Variants in ARL15 observed in about 807,000 individuals in gnomAD.
ARL15 encodes the protein ARF like GTPase 15, also known as ADP-ribosylation factor-like protein 15.
In ARL15, 19 loss-of-function variants were observed where a neutral mutation model predicts 25.2. The ratio of observed to expected loss-of-function variants is 0.75; its 90% CI spans 0.53 to 1.10. The LOEUF is 1.10. Among genes scored for constraint, ARL15 ranks in the 50% least tolerant of loss-of-function variants. ARL15 has a pLI of 0.00. For synonymous variants in ARL15, 94 were observed against 86.8 expected (o/e 1.08, Z -0.46); for missense variants, 220 against 246.0 (o/e 0.89, Z 0.71).
At chr5:54,151,827 C>T (rs556378119) in intron 3 of ARL15, among the ~76,000 whole-genome samples, 5 of 152,006 alleles carry the variant, frequency 3.3e-5, no homozygotes, top group African/African-American at 7.2e-5. Flanking sequence ...CAGGTTTATG[C>T]GCTTCCCTAT....
rs959777686 is a variant in ARL15, at chr5:54,279,562, G to A, written c.48+30870C>T. Among the ~76,000 whole-genome samples the A allele has an allele frequency of 1.6e-4, 24 of 152,066 alleles. 1 individual carries two copies. The highest frequency in any genetic ancestry group is 2.9e-5 in the Non-Finnish European group (2 of 68,012). On this transcript the variant is annotated intron_variant, in intron 1 of 4. Coordinates refer to ENST00000504924, the MANE Select transcript of ARL15 (RefSeq NM_019087.3). ...ATCTAAACCTAATTATCTCCCAAAG[G>A]CCCCATCCCCAAACATCATCACATT...
chr5:54,105,444 A>G (rs969591440), intron 4 of ARL15, among the ~76,000 whole-genome samples: 2 of 152,224 alleles, frequency 1.3e-5, no homozygotes, highest in African/African-American at 4.8e-5. Flanking sequence ...GGATAAAATC[A>G]GTCTCTAACT....
intron 1 of ARL15, among the ~76,000 whole-genome samples, chr5:54,285,831 A>G (rs1455178217): frequency 1.3e-5 from 2 of 152,164 alleles, no homozygotes; most frequent in African/African-American, 2.4e-5. Flanking sequence ...AATGGGCTGA[A>G]GGCAAAGATG....
rs959438315 is a variant in ARL15, at chr5:53,962,086, G to C, written c.463-75373C>G. ...GTGTACTTTCACAAGTATATTCTTAGGGGAAACTACTGATGGTAAGAGTAT... is the reference window on the plus strand; with the variant it reads ...GTGTACTTTCACAAGTATATTCTTACGGGAAACTACTGATGGTAAGAGTAT... On this transcript the variant is annotated intron_variant, in intron 4 of 4. Coordinates refer to ENST00000504924, the MANE Select transcript of ARL15 (RefSeq NM_019087.3). 2.6e-5 allele frequency among the ~76,000 whole-genome samples: 4 copies of C among 152,058 alleles called. No homozygotes were observed. In the South Asian group the frequency reaches 8.3e-4, roughly 32 times the overall value.
At chr5:54,051,140 T>C (rs967783745) in intron 4 of ARL15, among the ~76,000 whole-genome samples, 1 of 152,236 alleles carries the variant, frequency 6.6e-6, no homozygotes, top group South Asian at 2.1e-4. Flanking sequence ...CAACATTTAT[T>C]GAGCATCTCC....
intron 1 of ARL15, among the ~76,000 whole-genome samples, chr5:54,274,278 C>T (rs764567507): frequency 9.2e-5 from 14 of 152,168 alleles, no homozygotes; most frequent in Non-Finnish European, 2.1e-4. Context: ...CTCACAAAGG[C>T]ATGTGGCAGA....
intron 1 of ARL15, among the ~76,000 whole-genome samples, chr5:54,199,216 C>T (rs1431090546): frequency 6.6e-6 from 1 of 152,146 alleles, no homozygotes; most frequent in Admixed American, 6.5e-5. Flanking sequence ...CTAGGCAATA[C>T]TATTCAGGAC....
intron 4 of ARL15, among the ~76,000 whole-genome samples, chr5:53,913,391 T>C (rs1745529737): frequency 6.6e-6 from 1 of 152,200 alleles, no homozygotes; most frequent in Admixed American, 6.5e-5. Flanking sequence ...TGAACTCACC[T>C]TGCCCTTTCC....
At chr5:53,961,406 G>C (rs1190913506) in intron 4 of ARL15, among the ~76,000 whole-genome samples, 2 of 149,936 alleles carry the variant, frequency 1.3e-5, no homozygotes, top group East Asian at 4.0e-4. Context: ...GCTGAGGCAG[G>C]AGAATTGCTT....
chr5:54,259,478 C>T (rs1371648936), intron 1 of ARL15, among the ~76,000 whole-genome samples: 1 of 152,172 alleles, frequency 6.6e-6, no homozygotes, highest in East Asian at 1.9e-4. Flanking sequence ...CACATCTTCT[C>T]CTTCCCAATA....
chr5:54,252,120 G>A (rs1757248263), intron 1 of ARL15, among the ~76,000 whole-genome samples: 1 of 152,190 alleles, frequency 6.6e-6, no homozygotes, highest in South Asian at 2.1e-4. Flanking sequence ...TATAGTAACT[G>A]GAGAGATTGT....
intron 1 of ARL15, among the ~76,000 whole-genome samples, chr5:54,269,019 A>G (rs925101129): frequency 6.6e-6 from 1 of 151,924 alleles, no homozygotes; most frequent in Non-Finnish European, 1.5e-5. Flanking sequence ...GGAATTGAAC[A>G]ATGAGAACAC....
intron 1 of ARL15, among the ~76,000 whole-genome samples, chr5:54,250,386 G>T (rs544749692): frequency 6.6e-6 from 1 of 152,172 alleles, no homozygotes. Context: ...TGGCTAAGCA[G>T]GGAAATAAAA....
intron 4 of ARL15, among the ~76,000 whole-genome samples, chr5:54,037,754 C>T (rs952594125): frequency 3.3e-5 from 5 of 152,042 alleles, no homozygotes; most frequent in African/African-American, 1.2e-4. Context: ...TTTGTTTTTA[C>T]CTCCATTTCA....
chr5:54,090,044 T>C lies in ARL15; in HGVS notation c.462+23158A>G, dbSNP rs576047101. On this transcript the variant is annotated intron_variant, in intron 4 of 4. Transcript: ENST00000504924. ...TACCTAATAAGGTTGGATATGCATA[T>C]ACCCTATAACTCTTTCTATTCTTAG... is the stretch of plus-strand genomic sequence containing the variant. Among the ~76,000 whole-genome samples the C allele has an allele frequency of 1.7e-4, 26 of 152,328 alleles. 1 individual carries two copies. In the South Asian group the frequency reaches 5.4e-3, roughly 32 times the overall value.
At chr5:53,891,950 A>T (rs529282534) in intron 4 of ARL15, among the ~76,000 whole-genome samples, 14 of 152,356 alleles carry the variant, frequency 9.2e-5, no homozygotes, top group Non-Finnish European at 1.9e-4. Context: ...CAACAACAGC[A>T]GTGGTCTGAG....
intron 1 of ARL15, among the ~76,000 whole-genome samples, chr5:54,240,372 T>C (rs1561279717): frequency 6.6e-6 from 1 of 151,826 alleles, no homozygotes; most frequent in Non-Finnish European, 1.5e-5. Flanking sequence ...CACAAGCACA[T>C]GTCTGAGTAT....
chr5:54,216,863 A>G (rs1395149368), intron 1 of ARL15, among the ~76,000 whole-genome samples: 11 of 152,216 alleles, frequency 7.2e-5, no homozygotes, highest in African/African-American at 2.7e-4. Context: ...GATAACTGAA[A>G]CAGAACCCAT....
chr5:53,952,823 T>C (rs1297640630), intron 4 of ARL15, among the ~76,000 whole-genome samples: 1 of 152,124 alleles, frequency 6.6e-6, no homozygotes, highest in Non-Finnish European at 1.5e-5. Flanking sequence ...GGAAAGTCTA[T>C]AAAAAGAAAC....
Sources: allele counts gnomAD v4.1 joint callset (sites outside exome capture counted in the v4.1 genomes callset), GRCh38; gene constraint gnomAD v4.1.1; transcripts MANE v1.5; gene names NCBI Gene and HGNC (gene_info 2026-07-23, HGNC 2026-07-21).